The following EFCAB11 variants were observed in gnomAD, a reference collection of about 807,000 sequenced individuals.
The protein encoded by EFCAB11 is EF-hand calcium binding domain 11, also known as EF-hand calcium-binding domain-containing protein 11.
In EFCAB11, 14 loss-of-function variants were observed where a neutral mutation model predicts 23.0. The observed-to-expected ratio is 0.61, with a 90% CI of 0.40 to 0.95. EFCAB11 has a LOEUF of 0.95. Ranked by LOEUF, EFCAB11 falls within the 40% of genes least tolerant of loss-of-function variation. EFCAB11 has a pLI of 0.00. For synonymous variants in EFCAB11, 65 were observed against 66.6 expected (o/e 0.98, Z 0.11); for missense variants, 198 against 195.8 (o/e 1.01, Z -0.07).
At chr14:89,881,947 C>G (rs903760589) in intron 5 of EFCAB11, among the ~76,000 whole-genome samples, 1 of 152,178 alleles carries the variant, frequency 6.6e-6, no homozygotes, top group African/African-American at 2.4e-5. Context: ...CTTAGGGTTA[C>G]ATAAGCAATG....
intron 5 of EFCAB11, among the ~76,000 whole-genome samples, chr14:89,883,551 C>T (rs1407442388): frequency 6.6e-6 from 1 of 152,046 alleles, no homozygotes; most frequent in Non-Finnish European, 1.5e-5. Flanking sequence ...GGCATGTAAA[C>T]AGTTGTTATA....
At chr14:89,891,944 C>T (rs1888982620) in intron 5 of EFCAB11, among the ~76,000 whole-genome samples, 2 of 151,940 alleles carry the variant, frequency 1.3e-5, no homozygotes, top group African/African-American at 4.8e-5. Flanking sequence ...CGAGTGCTAC[C>T]GCCGCGCGCT....
chr14:89,940,496 T>C (rs1890752999), intron 3 of EFCAB11, among the ~76,000 whole-genome samples: 1 of 152,234 alleles, frequency 6.6e-6, no homozygotes, highest in Non-Finnish European at 1.5e-5. Context: ...AACTGACCAT[T>C]AACCTACTCA....
At chr14:89,881,728 A>G (rs1378098900) in intron 5 of EFCAB11, among the ~76,000 whole-genome samples, 2 of 151,916 alleles carry the variant, frequency 1.3e-5, no homozygotes, top group East Asian at 1.9e-4. Context: ...GATTACAGGC[A>G]TGAGCCACTG....
In EFCAB11 at chr14:89,831,737, T is replaced by C. The variant is rs1167268859; in HGVS notation, c.411-34413A>G. On this transcript the variant is annotated intron_variant, in intron 5 of 5. Transcript: ENST00000316738. ...AGAAGTTTTAAAGAAAGAGCATGTA[T>C]TACAAGTTAGTACAAATTAACAAAG... Among the ~76,000 whole-genome samples the C allele has an allele frequency of 2.6e-5, 4 of 152,316 alleles. No homozygotes were observed. The South Asian group carries it at 8.3e-4, about 32-fold the overall frequency.
intron 5 of EFCAB11, among the ~76,000 whole-genome samples, chr14:89,850,745 G>A (rs1887578971): frequency 6.6e-6 from 1 of 152,134 alleles, no homozygotes; most frequent in Admixed American, 6.5e-5. Context: ...TTAATTATTT[G>A]ATCACTGTAG....
chr14:89,931,783 T>C lies in EFCAB11; in HGVS notation c.320-152A>G, dbSNP rs1285771601. 18 of 661,590 alleles carry C rather than the reference T, an allele frequency of 2.7e-5. 1 individual carries two copies. The Admixed American group carries it at 2.8e-4, about 10-fold the overall frequency. The allele number at this position is 661,590 out of a possible 1,614,324, so 41.0% of individuals were successfully genotyped here. ...ATTTCACAGATAAGGTAATCTGAGATTGTCTCATCGGAATAATTTAAGATT... is the reference window on the plus strand; with the variant it reads ...ATTTCACAGATAAGGTAATCTGAGACTGTCTCATCGGAATAATTTAAGATT... On this transcript the variant is annotated intron_variant, in intron 4 of 5. Coordinates refer to ENST00000316738, the MANE Select transcript of EFCAB11 (RefSeq NM_145231.4).
rs550443629 is a variant in EFCAB11 at position 89,843,639 on chromosome 14, A to G, written c.411-46315T>C. Among the ~76,000 whole-genome samples, 45 of 152,348 alleles carry G rather than the reference A, an allele frequency of 3.0e-4. No individual in the cohort carries two copies. In the South Asian group the frequency reaches 9.1e-3, roughly 31 times the overall value. ...TAGCTGCAGTGTAGAATTTGAAAAC[A>G]TATCAATTAACTTTTCATACTTTAT... is the stretch of plus-strand genomic sequence containing the variant. On this transcript the variant is annotated intron_variant, in intron 5 of 5. Transcript: ENST00000316738.
In EFCAB11 at chr14:89,841,249, C is replaced by T. The variant is rs1887253401; in HGVS notation, c.411-43925G>A. ...GAGACATGGCTTCTCTCCATATTTT[C>T]CCCAATCCTTTCACCGCCTGACTCT... On this transcript the variant is annotated intron_variant, in intron 5 of 5. Transcript: ENST00000316738. 2.0e-5 allele frequency among the ~76,000 whole-genome samples: 3 copies of T among 152,216 alleles called. No individual in the cohort carries two copies. The South Asian group carries it at 6.2e-4, about 32-fold the overall frequency.
Position 89,903,822 on chromosome 14 carries a change from C to T in EFCAB11, c.410+27719G>A, listed in dbSNP as rs188967312. On this transcript the variant is annotated intron_variant, in intron 5 of 5. Transcript: ENST00000316738. ...ATTAAAACTTTGGTTAAAGAAGCAT[C>T]TCAAACCACATCTATCATATGTACA... 1.8e-3 allele frequency among the ~76,000 whole-genome samples: 275 copies of T among 152,252 alleles called. 1 individual carries two copies. The highest frequency in any genetic ancestry group is 3.2e-3 in the Non-Finnish European group (218 of 68,012).
Position 89,931,377 on chromosome 14 carries a change from T to C in EFCAB11, c.410+164A>G, listed in dbSNP as rs1041316193. ...ACTGTCAGGGGCATGGAAGGACCCA[T>C]AGCTAACTATAGATTTCCCTCCTGG... On this transcript the variant is annotated intron_variant, in intron 5 of 5. Coordinates refer to ENST00000316738, the MANE Select transcript of EFCAB11 (RefSeq NM_145231.4). The C allele has an allele frequency of 2.6e-5, 17 of 650,144 alleles. No homozygotes were observed. In the East Asian group the frequency reaches 3.3e-4, roughly 13 times the overall value. 40.3% of individuals were successfully genotyped at this position (650,144 alleles called of 1,614,324 possible).
intron 5 of EFCAB11, among the ~76,000 whole-genome samples, chr14:89,928,802 T>C (rs894857260): frequency 6.8e-6 from 1 of 147,610 alleles, no homozygotes; most frequent in Non-Finnish European, 1.5e-5. Flanking sequence ...ATTAATTATA[T>C]ATTATAGATT....
rs181907278 is a variant in EFCAB11, at chr14:89,892,308, C to T, written c.410+39233G>A. 62 of 1,613,908 alleles carry T rather than the reference C, an allele frequency of 3.8e-5. No homozygotes were observed. In the Middle Eastern group the frequency reaches 9.9e-4, roughly 26 times the overall value. On this transcript the variant is annotated intron_variant, in intron 5 of 5. Transcript: ENST00000316738. ...GTGGACCTGGCCTTTGACGCCCTCA[C>T]TGATGCTATCCAGCAGGCCCTGCAG...
intron 5 of EFCAB11, among the ~76,000 whole-genome samples, chr14:89,824,014 T>C (rs1387287454): frequency 6.6e-6 from 1 of 152,036 alleles, no homozygotes; most frequent in Non-Finnish European, 1.5e-5. Flanking sequence ...AAAAAAACAT[T>C]CAAAAGAATG....
chr14:89,894,874 T>C (rs966624321), intron 5 of EFCAB11, among the ~76,000 whole-genome samples: 2 of 152,098 alleles, frequency 1.3e-5, no homozygotes, highest in Non-Finnish European at 2.9e-5. Flanking sequence ...CTATTTACAA[T>C]AGCAACAAAA....
rs538458654 is a variant in EFCAB11, at chr14:89,944,014, G to A, written c.217+6083C>T. On this transcript the variant is annotated intron_variant, in intron 3 of 5. Transcript: ENST00000316738. Reference sequence around the variant, plus strand: ...AAAATCAGAGAACATACAGAAGAAAGAAAGTCTATGAGAATAATGAATGTT... The same window carrying A: ...AAAATCAGAGAACATACAGAAGAAAAAAAGTCTATGAGAATAATGAATGTT... Among the ~76,000 whole-genome samples, 123 of 152,308 alleles carry A rather than the reference G, an allele frequency of 8.1e-4. 1 individual carries two copies. The highest frequency in any genetic ancestry group is 2.6e-3 in the African/African-American group (110 of 41,558).
intron 5 of EFCAB11, among the ~76,000 whole-genome samples, chr14:89,854,686 C>T (rs1887697598): frequency 6.6e-6 from 1 of 152,060 alleles, no homozygotes. Context: ...GCCCAAATTG[C>T]CCCCATAGTG....
At chr14:89,808,069 T>C (rs1055258673) in intron 5 of EFCAB11, among the ~76,000 whole-genome samples, 2 of 152,160 alleles carry the variant, frequency 1.3e-5, no homozygotes, top group African/African-American at 2.4e-5. Flanking sequence ...GACTCCATGG[T>C]AGAGCCTGCT....
chr14:89,922,107 A>C (rs1037259126), intron 5 of EFCAB11, among the ~76,000 whole-genome samples: 3 of 152,258 alleles, frequency 2.0e-5, no homozygotes, highest in Non-Finnish European at 4.4e-5. Flanking sequence ...CCTATGTGAC[A>C]GCTGAATTAA....
Sources: gnomAD v4.1 joint callset for allele counts (sites outside exome capture counted in the v4.1 genomes callset) on GRCh38, gnomAD v4.1.1 for gene constraint, MANE v1.5 for transcripts, NCBI Gene and HGNC (gene_info 2026-07-23, HGNC 2026-07-21) for gene names.